Variants in NBPF12 observed in about 807,000 individuals in gnomAD.
The protein encoded by NBPF12 is NBPF family member NBPF12.
In NBPF12, 115 loss-of-function variants were observed where a neutral mutation model predicts 146.4. The observed-to-expected ratio is 0.79, with a 90% confidence interval of 0.68 to 0.92. NBPF12 has a LOEUF of 0.92. Ranked by LOEUF, NBPF12 falls within the 40% of genes least tolerant of loss-of-function variation. NBPF12 has a pLI of 0.00. For synonymous variants in NBPF12, 385 were observed against 508.9 expected (o/e 0.76, Z 3.28); for missense variants, 1,205 against 1,326.8 (o/e 0.91, Z 1.43).
chr1:146,944,834 C>T (rs1377099596), upstream of NBPF12, among the ~76,000 whole-genome samples: 1 of 151,390 alleles, frequency 6.6e-6, no homozygotes, highest in Non-Finnish European at 1.5e-5. Context: ...CTACTTCCCT[C>T]CCACTCTCTT....
intron 14 of NBPF12, among the ~76,000 whole-genome samples, chr1:146,974,465 G>T (rs1223397246): frequency 1.6e-4 from 21 of 128,428 alleles, no homozygotes; most frequent in Non-Finnish European, 3.0e-4. Flanking sequence ...AGACCTCAGG[G>T]ACTGTGAATT....
chr1:146,981,294 A>AAAATATAT (rs1162326884), intron 19 of NBPF12, among the ~76,000 whole-genome samples: 5 of 90,242 alleles, frequency 5.5e-5, no homozygotes, highest in African/African-American at 2.4e-4. Flanking sequence ...AAAAAAAAAA[A>AAAATATAT]ATATATATAT....
chr1:146,969,911 C>G (rs1359730045), intron 11 of NBPF12, among the ~76,000 whole-genome samples: 8 of 150,824 alleles, frequency 5.3e-5, no homozygotes, highest in Non-Finnish European at 1.2e-4. Flanking sequence ...GAGCTCTGGG[C>G]TAAGAATGAA....
chr1:146,961,007 G>A (rs1419078942), intron 4 of NBPF12, among the ~76,000 whole-genome samples: 15 of 152,168 alleles, frequency 9.9e-5, no homozygotes, highest in East Asian at 3.9e-4. Context: ...GTAGATGGGC[G>A]TCGTGGCGGG....
intron 19 of NBPF12, among the ~76,000 whole-genome samples, chr1:146,982,115 CCTTT>C: frequency 6.8e-6 from 1 of 147,698 alleles, no homozygotes; most frequent in East Asian, 2.0e-4. Flanking sequence ...GAGCTGCGAT[CCTTT>C]GGAGGAGAAG....
upstream of NBPF12, among the ~76,000 whole-genome samples, chr1:146,946,495 G>A (rs1202932309): frequency 2.3e-5 from 3 of 130,386 alleles, no homozygotes; most frequent in East Asian, 7.3e-4. Flanking sequence ...TATTAATGAG[G>A]TGTTCAGATC....
intron 6 of NBPF12, among the ~76,000 whole-genome samples, chr1:146,963,702 T>G (rs1288903142): frequency 7.3e-5 from 11 of 151,404 alleles, no homozygotes; most frequent in Non-Finnish European, 1.3e-4. Context: ...TTTCCAGAGT[T>G]TCTCTCTCTC....
In NBPF12 at chr1:146,967,381, A is replaced by G. The variant is rs1236509300; in HGVS notation, c.988+708A>G. 2.0e-5 allele frequency among the ~76,000 whole-genome samples: 3 copies of G among 150,948 alleles called. No individual in the cohort carries two copies. The East Asian group carries it at 5.8e-4, about 29-fold the overall frequency. On this transcript the variant is annotated intron_variant, in intron 9 of 33. Transcript: ENST00000617844. ...ATGGGCGTGGTGGCAGGTGACTGTA[A>G]TCACTCCTGCTCAGGAGGCTGAGGC...
intron 4 of NBPF12, among the ~76,000 whole-genome samples, chr1:146,961,636 T>A (rs1655857246): frequency 6.6e-6 from 1 of 152,220 alleles, no homozygotes; most frequent in East Asian, 1.9e-4. Flanking sequence ...TTTTCTTATG[T>A]CTCACACTTT....
At chr1:146,959,144 ACAAT>A (rs1655727682) in intron 2 of NBPF12, among the ~76,000 whole-genome samples, 1 of 100,366 alleles carries the variant, frequency 1.0e-5, no homozygotes, top group South Asian at 6.8e-4. Flanking sequence ...AGGGAAAAAC[ACAAT>A]CAAACAAATT....
At chr1:146,981,643 G>C (rs1469014374) in intron 19 of NBPF12, among the ~76,000 whole-genome samples, 2 of 151,906 alleles carry the variant, frequency 1.3e-5, no homozygotes, top group African/African-American at 4.9e-5. Context: ...ATATCCTGAA[G>C]AATGTTTCCC....
At chr1:146,982,537 C>T (rs1657460093) in intron 19 of NBPF12, among the ~76,000 whole-genome samples, 1 of 151,888 alleles carries the variant, frequency 6.6e-6, no homozygotes, top group Admixed American at 6.6e-5. Flanking sequence ...GCCCTTAATA[C>T]ACAAGATCTG....
At chr1:146,944,405 T>C (rs1654928647), upstream of NBPF12, among the ~76,000 whole-genome samples, 1 of 145,580 alleles carries the variant, frequency 6.9e-6, no homozygotes, top group African/African-American at 2.5e-5. Context: ...TGGGAGCCAG[T>C]GCAAGGAGGG....
At chr1:146,960,561 G>A (rs1483043530) in intron 4 of NBPF12, among the ~76,000 whole-genome samples, 1 of 151,994 alleles carries the variant, frequency 6.6e-6, no homozygotes, top group Non-Finnish European at 1.5e-5. Flanking sequence ...ACTGATTTCT[G>A]ACACAGGCAC....
exon 34 of NBPF12, chr1:146,994,338 C>T (rs782497445): frequency 6.2e-7 from 1 of 1,611,690 alleles, no homozygotes; most frequent in Non-Finnish European, 8.5e-7. Flanking sequence ...CCAGGCTCAA[C>T]AGCGTGCTGA....
rs1271533977 is a variant in NBPF12 at position 146,957,664 on chromosome 1, G to A, written c.-183-2195G>A. The stretch of plus-strand genomic sequence containing the variant: ...GTCCGCCACGAGGCTGTAGATGGAG[G>A]TGTCCACCTGGCCTTTGCGTTGCTG... On this transcript the variant is annotated intron_variant, in intron 2 of 33. Coordinates refer to ENST00000617844, the Ensembl canonical transcript of NBPF12. 7.5e-5 allele frequency: 10 copies of A among 132,556 alleles called. 1 individual carries two copies. Among genetic ancestry groups the A allele is most frequent in the African/African-American group, 2.4e-4 (9 of 37,228 alleles). The allele number at this position is 132,556 out of a possible 1,614,324, so 8.2% of individuals were successfully genotyped here. A position where few individuals can be genotyped will look rare whatever the true frequency, so the allele number is the denominator to read the frequency against.
rs1043508 is a variant in NBPF12 at position 146,994,816 on chromosome 1, G to A, written c.*241G>A. The A allele has an allele frequency of 8.1e-4, 626 of 774,656 alleles. 11 individuals are homozygous for A. The highest frequency in any genetic ancestry group is 1.1e-3 in the South Asian group (58 of 53,500). 48.0% of individuals were successfully genotyped at this position (774,656 alleles called of 1,614,324 possible). Reference sequence around the variant, plus strand: ...CAGCACATGCCGGGAGTGATCAGCCGGACATTTTAATTTGAACCATGTATC... The same window carrying A: ...CAGCACATGCCGGGAGTGATCAGCCAGACATTTTAATTTGAACCATGTATC... On this transcript the variant is annotated 3_prime_UTR_variant, in exon 34 of 34. Coordinates refer to ENST00000617844, the Ensembl canonical transcript of NBPF12.
intron 13 of NBPF12, among the ~76,000 whole-genome samples, chr1:146,972,037 G>C (rs1477142629): frequency 1.4e-5 from 2 of 147,646 alleles, no homozygotes; most frequent in Non-Finnish European, 3.0e-5. Context: ...GCAGTGAGCC[G>C]AGATTGTGCC....
chr1:146,941,419 A>G (rs1654797114), intron 1 of NBPF12, among the ~76,000 whole-genome samples: 1 of 151,288 alleles, frequency 6.6e-6, no homozygotes, highest in African/African-American at 2.4e-5. Flanking sequence ...ATACTTTATC[A>G]ATCTTTTCCT....
Sources: allele counts gnomAD v4.1 joint callset (sites outside exome capture counted in the v4.1 genomes callset), GRCh38; gene constraint gnomAD v4.1.1; transcripts MANE v1.5; gene names NCBI Gene and HGNC (gene_info 2026-07-23, HGNC 2026-07-21).